Variants in PARD3B observed in about 807,000 individuals in gnomAD.
PARD3B encodes the protein par-3 family cell polarity regulator beta.
In PARD3B, 103 loss-of-function variants were observed where a neutral mutation model predicts 130.2. The ratio of observed to expected loss-of-function variants is 0.79; its 90% CI spans 0.67 to 0.93. The LOEUF (loss-of-function observed/expected upper bound fraction) is 0.93, where lower values mean the gene tolerates loss of function less well. PARD3B is among the 40% of genes least tolerant of loss of function. PARD3B has a pLI of 0.00. For synonymous variants in PARD3B, 583 were observed against 553.2 expected (o/e 1.05, Z -0.76); for missense variants, 1,609 against 1,499.2 (o/e 1.07, Z -1.21).
At chr2:204,733,803 A>C (rs2039625206) in intron 2 of PARD3B, among the ~76,000 whole-genome samples, 1 of 152,000 alleles carries the variant, frequency 6.6e-6, no homozygotes, top group Admixed American at 6.5e-5. Context: ...CAGTCTGATC[A>C]GCAAGTGGTA....
intron 2 of PARD3B, among the ~76,000 whole-genome samples, chr2:204,927,933 G>A (rs1002296790): frequency 6.6e-6 from 1 of 152,082 alleles, no homozygotes; most frequent in African/African-American, 2.4e-5. Context: ...AGAAGAAAAA[G>A]CATCTATCAA....
chr2:205,521,226 G>A (rs1293043815), intron 21 of PARD3B, among the ~76,000 whole-genome samples: 2 of 151,708 alleles, frequency 1.3e-5, no homozygotes, highest in Non-Finnish European at 2.9e-5. Flanking sequence ...TATCAATTAT[G>A]TTGTTTTCAT....
At chr2:205,113,692 T>C in intron 6 of PARD3B, 115 bp downstream of exon 6, 1 of 727,842 alleles carries the variant, frequency 1.4e-6, no homozygotes, top group Non-Finnish European at 2.2e-6. Context: ...TTCAAATGGA[T>C]ACCTCAAGAC....
intron 2 of PARD3B, among the ~76,000 whole-genome samples, chr2:204,913,720 C>T (rs1449880073): frequency 6.6e-6 from 1 of 152,052 alleles, no homozygotes; most frequent in African/African-American, 2.4e-5. Context: ...TTTTGCAGTG[C>T]CCCAATAGAC....
intron 21 of PARD3B, among the ~76,000 whole-genome samples, chr2:205,513,392 G>A (rs180778875): frequency 8.2e-4 from 125 of 151,966 alleles, no homozygotes; most frequent in African/African-American, 2.8e-3. Flanking sequence ...ATGATGATGC[G>A]GGGAACAGAT....
intron 22 of PARD3B, among the ~76,000 whole-genome samples, chr2:205,581,494 G>C (rs2053987685): frequency 7.0e-6 from 1 of 142,780 alleles, no homozygotes; most frequent in South Asian, 2.2e-4. Context: ...TATTCCACAT[G>C]GTGCACAAGG....
At chr2:204,990,154 T>C (rs74819940) in intron 3 of PARD3B, among the ~76,000 whole-genome samples, 3,454 of 152,222 alleles carry the variant, frequency 0.023, 124 homozygotes, top group African/African-American at 0.075. Context: ...AGCTCAAGCA[T>C]ATTTTAATGT....
chr2:205,231,052 T>C (rs2038809467), intron 15 of PARD3B, among the ~76,000 whole-genome samples: 1 of 152,138 alleles, frequency 6.6e-6, no homozygotes, highest in Non-Finnish European at 1.5e-5. Context: ...CAAGACTGTC[T>C]TTCCTATCCC....
At chr2:204,850,422 T>C (rs1487461541) in intron 2 of PARD3B, among the ~76,000 whole-genome samples, 1 of 151,896 alleles carries the variant, frequency 6.6e-6, no homozygotes, top group Non-Finnish European at 1.5e-5. Flanking sequence ...TGATTGGGAC[T>C]CATAGGCTTT....
intron 22 of PARD3B, among the ~76,000 whole-genome samples, chr2:205,557,466 A>C (rs536866247): frequency 2.6e-5 from 4 of 152,176 alleles, no homozygotes; most frequent in African/African-American, 9.7e-5. Context: ...CCTGCAGCTC[A>C]GAGTCCTGCA....
chr2:205,401,114 A>G lies in PARD3B; in HGVS notation c.2732A>G (p.Glu911Gly), dbSNP rs201236501. 2.1e-4 allele frequency: 328 copies of G among 1,592,760 alleles called. No homozygotes were observed. The highest frequency in any genetic ancestry group is 9.3e-4 in the Admixed American group (53 of 56,974). ...GAAGAGCTGGAGAAAATGAAAGAAGAGCGTGAAAGGTGAGCAGAAGTGCCG... is the reference window on the plus strand; with the variant it reads ...GAAGAGCTGGAGAAAATGAAAGAAGGGCGTGAAAGGTGAGCAGAAGTGCCG... ...REEELEKMKE[E>G]RERIGAKHQE... Residue 911 changes from glutamate to glycine, a missense_variant, in exon 19 of 23, where the codon GAG becomes GGG. Transcript: ENST00000406610.
intron 18 of PARD3B, among the ~76,000 whole-genome samples, chr2:205,399,306 A>G (rs915845770): frequency 6.6e-6 from 1 of 151,032 alleles, no homozygotes; most frequent in African/African-American, 2.5e-5. Context: ...GAATCTCCCC[A>G]AGTTTTTTTT....
intron 10 of PARD3B, among the ~76,000 whole-genome samples, chr2:205,133,204 A>T (rs1464214793): frequency 1.3e-5 from 2 of 152,192 alleles, no homozygotes; most frequent in Non-Finnish European, 1.5e-5. Context: ...CATTTGCACA[A>T]TCTAGTTGTA....
At chr2:204,980,603 G>T (rs1263702016) in intron 3 of PARD3B, among the ~76,000 whole-genome samples, 1 of 152,202 alleles carries the variant, frequency 6.6e-6, no homozygotes, top group Admixed American at 6.5e-5. Flanking sequence ...ATACCATGTA[G>T]TCTGAAAATG....
intron 4 of PARD3B, among the ~76,000 whole-genome samples, chr2:205,079,600 A>C (rs1253403656): frequency 6.6e-6 from 1 of 152,190 alleles, no homozygotes; most frequent in Non-Finnish European, 1.5e-5. Flanking sequence ...CACACTTCTT[A>C]ATACTGTTGC....
chr2:205,545,101 G>C (rs2052327046), intron 21 of PARD3B, among the ~76,000 whole-genome samples: 2 of 152,216 alleles, frequency 1.3e-5, no homozygotes, highest in Non-Finnish European at 2.9e-5. Context: ...GTTTGAATGA[G>C]TGTGTGTTCT....
At chr2:204,750,786 T>C (rs556670164) in intron 2 of PARD3B, among the ~76,000 whole-genome samples, 1 of 152,326 alleles carries the variant, frequency 6.6e-6, no homozygotes, top group Admixed American at 6.5e-5. Context: ...TGGCTTTGTT[T>C]GACTTTCTTT....
intron 4 of PARD3B, among the ~76,000 whole-genome samples, chr2:205,062,857 A>G (rs2125459559): frequency 6.6e-6 from 1 of 152,260 alleles, no homozygotes; most frequent in South Asian, 2.1e-4. Flanking sequence ...TGTCTGTATA[A>G]GAAAATAAAA....
In PARD3B at chr2:205,530,395, A is replaced by G. The variant is rs1203939768; in HGVS notation, c.3181-22929A>G. 2.0e-5 allele frequency among the ~76,000 whole-genome samples: 3 copies of G among 152,200 alleles called. No homozygotes were observed. The highest frequency in any genetic ancestry group is 1.3e-4 in the Admixed American group (2 of 15,268). Reference sequence around the variant, plus strand: ...GTAATGCCACTTTGTAGTCAGTTCAATTGTAGCAAAAATAAGGGTTTTATG... The same window carrying G: ...GTAATGCCACTTTGTAGTCAGTTCAGTTGTAGCAAAAATAAGGGTTTTATG... On this transcript the variant is annotated intron_variant, in intron 21 of 22. Coordinates refer to ENST00000406610, the MANE Select transcript of PARD3B (RefSeq NM_001302769.2). The surrounding 1 kb of genome is among the most constrained non-coding windows in gnomAD (Gnocchi z 4.7).
Sources: gnomAD v4.1 joint callset for allele counts (sites outside exome capture counted in the v4.1 genomes callset) on GRCh38, gnomAD v4.1.1 for gene constraint, Gnocchi (gnomAD v3.1) non-coding constraint, MANE v1.5 for transcripts, NCBI Gene and HGNC (gene_info 2026-07-23, HGNC 2026-07-21) for gene names.